RCAN2: variants seen among roughly 807,000 people sequenced by gnomAD.
The protein encoded by RCAN2 is calcipressin-2.
A neutral mutation model predicts 23.6 loss-of-function variants in RCAN2; 9 were observed. The observed-to-expected ratio is 0.38, with a 90% CI of 0.23 to 0.67. The LOEUF is 0.67. RCAN2 is among the 30% of genes least tolerant of loss of function. The pLI, the probability that RCAN2 is intolerant of heterozygous loss-of-function variation, is 0.51. For synonymous variants in RCAN2, 109 were observed against 115.7 expected, an observed-to-expected ratio of 0.94 and a Z score of 0.37; for missense variants, 273 against 302.3, an observed-to-expected ratio of 0.90 and a Z score of 0.72.
At chr6:46,366,672 G>A (rs1346494746) in intron 2 of RCAN2, among the ~76,000 whole-genome samples, 1 of 151,864 alleles carries the variant, frequency 6.6e-6, no homozygotes, top group African/African-American at 2.4e-5. Context: ...CCCCAACCCA[G>A]GGATGTCTGA....
chr6:46,320,374 CCTT>C (rs911133653), intron 2 of RCAN2, among the ~76,000 whole-genome samples: 20 of 152,266 alleles, frequency 1.3e-4, no homozygotes, highest in African/African-American at 4.8e-4. Flanking sequence ...TCAGCCTCAT[CCTT>C]CTCCTCCTAT....
At chr6:46,423,902 T>C (rs1298857923) in intron 2 of RCAN2, among the ~76,000 whole-genome samples, 1 of 152,178 alleles carries the variant, frequency 6.6e-6, no homozygotes, top group Admixed American at 6.5e-5. Context: ...TTCAATCACA[T>C]CAGCCCTCTT....
Position 46,382,335 on chromosome 6 carries a change from A to G in RCAN2, c.225+74417T>C, listed in dbSNP as rs1411418407. ...ACCTTGTACGTAATAAGAGCTCTCA[A>G]TTGAAATGTGCTGCTCATCTTCCAG... On this transcript the variant is annotated intron_variant, in intron 2 of 4. Transcript: ENST00000371374. Among the ~76,000 whole-genome samples the G allele has an allele frequency of 3.3e-5, 5 of 152,212 alleles. No homozygotes were observed. The East Asian group carries it at 7.7e-4, about 23-fold the overall frequency.
chr6:46,430,374 A>C (rs1377035927), intron 2 of RCAN2, among the ~76,000 whole-genome samples: 3 of 152,164 alleles, frequency 2.0e-5, no homozygotes, highest in Non-Finnish European at 4.4e-5. Context: ...ACAAGAAATA[A>C]TGGAAGGAGA....
chr6:46,432,501 C>T (rs1264925030), intron 2 of RCAN2, among the ~76,000 whole-genome samples: 2 of 152,044 alleles, frequency 1.3e-5, no homozygotes, highest in East Asian at 3.9e-4. Context: ...GTGTGAGCCA[C>T]CACACCCGGC....
chr6:46,361,182 A>G (rs1479975585), intron 2 of RCAN2, among the ~76,000 whole-genome samples: 3 of 152,244 alleles, frequency 2.0e-5, no homozygotes, highest in Non-Finnish European at 2.9e-5. Flanking sequence ...GGCCCAGAGC[A>G]TAAGAAGTGA....
rs376881681 is a variant in RCAN2, at chr6:46,384,689, A to G, written c.225+72063T>C. Among the ~76,000 whole-genome samples the G allele has an allele frequency of 1.7e-4, 26 of 152,366 alleles. No individual in the cohort carries two copies. The East Asian group carries it at 4.6e-3, about 27-fold the overall frequency. On this transcript the variant is annotated intron_variant, in intron 2 of 4. Coordinates refer to ENST00000371374, the MANE Select transcript of RCAN2 (RefSeq NM_001251974.2). ...GCACAAAAATAGGACATATTGTATG[A>G]TTACATTTACAAGAAATGCTAAAAC...
rs553201047 is a variant in RCAN2 at position 46,223,005 on chromosome 6, C to T, written c.*136G>A. On this transcript the variant is annotated 3_prime_UTR_variant, in exon 5 of 5. Coordinates refer to ENST00000371374, the MANE Select transcript of RCAN2 (RefSeq NM_001251974.2). ...ATCACCTTTTCCTAGCCCTTTTGTC[C>T]GAGAGGCTTGATAACAAGGAAGGAA... 192 of 884,478 alleles carry T rather than the reference C, an allele frequency of 2.2e-4. No individual in the cohort carries two copies. Among genetic ancestry groups the T allele is most frequent in the Admixed American group, 4.0e-4 (16 of 39,844 alleles). The allele number at this position is 884,478 out of a possible 1,614,324, so 54.8% of individuals were successfully genotyped here. A position where few individuals can be genotyped will look rare whatever the true frequency, so the allele number is the denominator to read the frequency against.
chr6:46,255,268 G>A (rs1020573392), intron 2 of RCAN2, among the ~76,000 whole-genome samples: 9 of 152,090 alleles, frequency 5.9e-5, no homozygotes, highest in Admixed American at 1.3e-4. Flanking sequence ...GTATGTGTGT[G>A]TGTGTTGAGG....
At chr6:46,244,404 G>T (rs1191785462) in intron 4 of RCAN2, among the ~76,000 whole-genome samples, 6 of 152,012 alleles carry the variant, frequency 3.9e-5, no homozygotes, top group Non-Finnish European at 7.4e-5. Flanking sequence ...GCCTCCATCA[G>T]TCCCAAGTCA....
At chr6:46,428,605 T>C (rs1489270405) in intron 2 of RCAN2, among the ~76,000 whole-genome samples, 1 of 152,226 alleles carries the variant, frequency 6.6e-6, no homozygotes, top group Non-Finnish European at 1.5e-5. Flanking sequence ...ATCATCATGC[T>C]TTGGATATTC....
chr6:46,291,342 G>A (rs59556504), intron 2 of RCAN2, among the ~76,000 whole-genome samples: 1 of 151,216 alleles, frequency 6.6e-6, no homozygotes, highest in African/African-American at 2.4e-5. Context: ...AAGAGTGAGA[G>A]GAAGGGAAAG....
intron 2 of RCAN2, among the ~76,000 whole-genome samples, chr6:46,416,151 G>C (rs554398476): frequency 1.3e-5 from 2 of 152,048 alleles, no homozygotes; most frequent in South Asian, 4.2e-4. Flanking sequence ...AACTGTATAT[G>C]AATTATCTCT....
At chr6:46,391,419 G>T (rs191160553) in intron 2 of RCAN2, among the ~76,000 whole-genome samples, 4 of 152,138 alleles carry the variant, frequency 2.6e-5, no homozygotes, top group Admixed American at 2.6e-4. Context: ...TAGGAGTGAC[G>T]TGTTCAGCTC....
intron 2 of RCAN2, among the ~76,000 whole-genome samples, chr6:46,274,380 A>G (rs1486139597): frequency 6.6e-6 from 1 of 152,228 alleles, no homozygotes; most frequent in Admixed American, 6.5e-5. Flanking sequence ...GCTAAGGTAC[A>G]GCTGCTAGCA....
At chr6:46,406,232 A>C (rs985959459) in intron 2 of RCAN2, among the ~76,000 whole-genome samples, 1 of 152,224 alleles carries the variant, frequency 6.6e-6, no homozygotes, top group African/African-American at 2.4e-5. Context: ...CGGCGGGCCA[A>C]AGGGCCCCTC....
At chr6:46,477,081 G>A (rs987950422) in intron 1 of RCAN2, among the ~76,000 whole-genome samples, 2 of 152,086 alleles carry the variant, frequency 1.3e-5, no homozygotes, top group Non-Finnish European at 2.9e-5. Flanking sequence ...CAACTTGCAG[G>A]GGGACAGAAG....
At chr6:46,295,302 T>G (rs1397106844) in intron 2 of RCAN2, among the ~76,000 whole-genome samples, 1 of 152,030 alleles carries the variant, frequency 6.6e-6, no homozygotes, top group South Asian at 2.1e-4. Context: ...ACAGAAGCCA[T>G]CAGCATACAT....
intron 2 of RCAN2, among the ~76,000 whole-genome samples, chr6:46,448,754 A>G (rs994837566): frequency 4.6e-5 from 7 of 152,002 alleles, no homozygotes; most frequent in African/African-American, 1.7e-4. Context: ...CAGAAACAGA[A>G]AAAGCATTTG....
Sources: allele counts gnomAD v4.1 joint callset (sites outside exome capture counted in the v4.1 genomes callset), GRCh38; gene constraint gnomAD v4.1.1; transcripts MANE v1.5; gene names NCBI Gene and HGNC (gene_info 2026-07-23, HGNC 2026-07-21).